Variants in GOLM2 observed in about 807,000 individuals in gnomAD.
The protein encoded by GOLM2 is golgi membrane protein 2.
Under a neutral mutation model 55.9 loss-of-function variants are expected in GOLM2, and 26 were observed. The observed-to-expected ratio is 0.47, with a 90% CI of 0.34 to 0.65. The LOEUF is 0.65. Ranked by LOEUF, GOLM2 falls within the 30% of genes least tolerant of loss-of-function variation. GOLM2 has a pLI of 0.01. For synonymous variants in GOLM2, 165 were observed against 194.6 expected, an observed-to-expected ratio of 0.85 and a Z score of 1.27; for missense variants, 486 against 531.8, an observed-to-expected ratio of 0.91 and a Z score of 0.85.
At chr15:44,355,129 T>C in intron 6 of GOLM2, 1 of 198,364 alleles carries the variant, frequency 5.0e-6, no homozygotes, top group Non-Finnish European at 1.0e-5. Context: ...ATCATCAGCA[T>C]TGCCTCCTGC....
At chr15:44,406,987 T>C (rs968835185) in intron 9 of GOLM2, 5 of 150,914 alleles carry the variant, frequency 3.3e-5, no homozygotes, top group African/African-American at 1.2e-4. Context: ...ACTTGTAGAG[T>C]GTTTTGTAGA....
chr15:44,373,671 T>C (rs1191405526), intron 6 of GOLM2, among the ~76,000 whole-genome samples: 1 of 146,290 alleles, frequency 6.8e-6, no homozygotes, highest in Non-Finnish European at 1.5e-5. Context: ...AGAGAATTGC[T>C]TGAACCCAGG....
chr15:44,322,998 G>A lies in GOLM2; in HGVS notation c.361G>A (p.Ala121Thr). ...ACAGAACAACATATCGTATCAGATG[G>A]CAGACATACATCATTTAAAGGGTAA... is the stretch of plus-strand genomic sequence containing the variant. ...KLQNNISYQM[A>T]DIHHLKEQLA... The change falls in exon 2 of 10, where the codon GCA becomes ACA. Residue 121 changes from alanine to threonine, a missense_variant. By Grantham distance (58) the Ala-to-Thr change is moderately conservative. Coordinates refer to ENST00000299957, the MANE Select transcript of GOLM2 (RefSeq NM_138423.4). 3 of 1,576,292 alleles carry A rather than the reference G, an allele frequency of 1.9e-6. No individual in the cohort carries two copies. The highest frequency in any genetic ancestry group is 2.6e-6 in the Non-Finnish European group (3 of 1,164,934).
At chr15:44,370,368 C>G (rs1248794855) in intron 6 of GOLM2, among the ~76,000 whole-genome samples, 1 of 152,138 alleles carries the variant, frequency 6.6e-6, no homozygotes. Context: ...AGAGCATGGC[C>G]TTTAACTCTA....
At chr15:44,296,969 T>C (rs1291843560) in intron 1 of GOLM2, among the ~76,000 whole-genome samples, 1 of 152,248 alleles carries the variant, frequency 6.6e-6, no homozygotes, top group Non-Finnish European at 1.5e-5. Context: ...CTGTAATTTC[T>C]ACCTCAAATT....
intron 6 of GOLM2, among the ~76,000 whole-genome samples, chr15:44,360,966 T>C (rs1239592288): frequency 7.3e-5 from 11 of 150,916 alleles, no homozygotes; most frequent in East Asian, 1.9e-4. Flanking sequence ...GGGTACATAA[T>C]GAAATGAAGG....
rs192176911 is a variant in GOLM2 at position 44,317,072 on chromosome 15, G to A, written c.328-5893G>A. Among the ~76,000 whole-genome samples the A allele has an allele frequency of 2.4e-3, 360 of 152,266 alleles. 2 individuals carry two copies. The highest frequency in any genetic ancestry group is 3.6e-3 in the Non-Finnish European group (243 of 68,018). ...AAGAATATGAAAGAGACAGTTCAGG[G>A]AAGCTGAAGCCACTCACAGCCTAAT... On this transcript the variant is annotated intron_variant, in intron 1 of 9. Coordinates refer to ENST00000299957, the MANE Select transcript of GOLM2 (RefSeq NM_138423.4).
intron 3 of GOLM2, 92 bp downstream of exon 3, chr15:44,328,879 C>T: frequency 2.7e-6 from 2 of 754,118 alleles, no homozygotes; most frequent in Non-Finnish European, 4.0e-6. Flanking sequence ...ACTTTTGTTT[C>T]CCTTTTTTTC....
chr15:44,332,843 T>C (rs2079031392), intron 4 of GOLM2, among the ~76,000 whole-genome samples: 1 of 152,208 alleles, frequency 6.6e-6, no homozygotes, highest in South Asian at 2.1e-4. Context: ...CAAATTCTTT[T>C]ATTAATTCAT....
intron 1 of GOLM2, among the ~76,000 whole-genome samples, chr15:44,311,319 A>G (rs1285618190): frequency 6.6e-6 from 1 of 152,152 alleles, no homozygotes; most frequent in African/African-American, 2.4e-5. Flanking sequence ...CCTCCCTAAG[A>G]GGAAAAACAT....
At chr15:44,378,661 A>T (rs1018270901) in intron 6 of GOLM2, among the ~76,000 whole-genome samples, 2 of 152,128 alleles carry the variant, frequency 1.3e-5, no homozygotes, top group Admixed American at 1.3e-4. Context: ...TATTCTTAAT[A>T]CCTTACCTAA....
chr15:44,389,524 T>C (rs2141201766), intron 8 of GOLM2, among the ~76,000 whole-genome samples: 1 of 152,186 alleles, frequency 6.6e-6, no homozygotes, highest in African/African-American at 2.4e-5. Flanking sequence ...TGAGACCCTG[T>C]CTCAAATAAA....
chr15:44,326,125 G>A (rs1487595626), intron 2 of GOLM2, among the ~76,000 whole-genome samples: 4 of 151,682 alleles, frequency 2.6e-5, no homozygotes, highest in East Asian at 1.9e-4. Context: ...AGCTGGGCAC[G>A]GTGGTGGGTG....
intron 4 of GOLM2, among the ~76,000 whole-genome samples, chr15:44,334,266 C>T (rs1019230952): frequency 6.6e-6 from 1 of 152,182 alleles, no homozygotes; most frequent in Non-Finnish European, 1.5e-5. Flanking sequence ...CCTAATTCTA[C>T]TCCCCACCCT....
chr15:44,338,265 G>C lies in GOLM2; in HGVS notation c.750G>C (p.Gly250=), dbSNP rs768837514. 2.5e-6 allele frequency: 4 copies of C among 1,613,860 alleles called. No homozygotes were observed. Among genetic ancestry groups the C allele is most frequent in the Non-Finnish European group, 3.4e-6 (4 of 1,179,852 alleles). The change falls in exon 6 of 10, where the codon GGG becomes GGC. Residue 250 remains glycine (G), a synonymous_variant. Coordinates refer to ENST00000299957, the MANE Select transcript of GOLM2 (RefSeq NM_138423.4). ...AAATCAAAAGAGGTGGTGATGCAGG[G>C]ATGCCTGGAATAGAAGAGAATGACC... The part of the protein sequence containing the change: ...KEQIKRGGDA[G]MPGIEENDLA...
chr15:44,362,745 A>T (rs1267101314), intron 6 of GOLM2, among the ~76,000 whole-genome samples: 1 of 152,234 alleles, frequency 6.6e-6, no homozygotes, highest in Admixed American at 6.5e-5. Context: ...GTCAATCCTA[A>T]GCCAAAAGAA....
rs148972449 is a variant in GOLM2 at position 44,297,526 on chromosome 15, C to G, written c.327+8170C>G. The stretch of plus-strand genomic sequence containing the variant: ...TGCTGTTTGACTCTTAGTTTCTTGC[C>G]TCTTTTCTGTATATTTATTATACCA... On this transcript the variant is annotated intron_variant, in intron 1 of 9. Transcript: ENST00000299957. Among the ~76,000 whole-genome samples, 197 of 151,120 alleles carry G rather than the reference C, an allele frequency of 1.3e-3. 1 individual carries two copies. Among genetic ancestry groups the G allele is most frequent in the African/African-American group, 4.6e-3 (188 of 41,182 alleles).
At chr15:44,353,293 G>C (rs1278442387) in intron 6 of GOLM2, among the ~76,000 whole-genome samples, 1 of 152,204 alleles carries the variant, frequency 6.6e-6, no homozygotes, top group East Asian at 1.9e-4. Flanking sequence ...TGGTGGGAAT[G>C]TGAATTAGTT....
At chr15:44,397,478 C>CAAA (rs1007948393) in intron 8 of GOLM2, among the ~76,000 whole-genome samples, 37 of 32,472 alleles carry the variant, frequency 1.1e-3, no homozygotes, top group African/African-American at 2.8e-3. Context: ...GACTCCGTCT[C>CAAA]AAAAAAAAAA....
Sources: gnomAD v4.1 joint callset for allele counts (sites outside exome capture counted in the v4.1 genomes callset) on GRCh38, gnomAD v4.1.1 for gene constraint, MANE v1.5 for transcripts, NCBI Gene and HGNC (gene_info 2026-07-23, HGNC 2026-07-21) for gene names.